The following GNAQ variants were observed in gnomAD, a reference collection of about 807,000 sequenced individuals.
The protein encoded by GNAQ is G protein subunit alpha q, also known as guanine nucleotide-binding protein G(q) subunit alpha.
GNAQ carries 8 observed loss-of-function variants against 43.9 expected under a neutral mutation model. The ratio of observed to expected loss-of-function variants is 0.18; its 90% CI spans 0.11 to 0.33. GNAQ has a LOEUF of 0.33. GNAQ is among the 10% of genes least tolerant of loss of function. The pLI, the probability that GNAQ is intolerant of heterozygous loss-of-function variation, is 1.00. For synonymous variants in GNAQ, 155 were observed against 170.7 expected, an observed-to-expected ratio of 0.91 and a Z score of 0.71; for missense variants, 158 against 450.8, an observed-to-expected ratio of 0.35 and a Z score of 5.88.
rs1156232046 is a variant in GNAQ at position 77,858,598 on chromosome 9, T to C, written c.322-42828A>G. Among the ~76,000 whole-genome samples the C allele has an allele frequency of 2.0e-5, 3 of 152,140 alleles. No individual in the cohort carries two copies. The East Asian group carries it at 5.8e-4, about 30-fold the overall frequency. ...TCTTCTCAGTCTTCACCCTCCTCTG[T>C]AGTGTCTGACGCCATCAGTCACCCC... On this transcript the variant is annotated intron_variant, in intron 2 of 6. Transcript: ENST00000286548.
chr9:77,750,251 ACT>A (rs537763169), intron 5 of GNAQ, among the ~76,000 whole-genome samples: 291 of 152,200 alleles, frequency 1.9e-3, no homozygotes, highest in South Asian at 8.5e-3. Flanking sequence ...TGGACTAAAA[ACT>A]CTGTTATAGG....
chr9:77,738,457 A>G (rs1479207742), intron 5 of GNAQ, among the ~76,000 whole-genome samples: 15 of 152,212 alleles, frequency 9.9e-5, no homozygotes, highest in Admixed American at 2.6e-4. Context: ...TGTGGTCATG[A>G]TAGAACACTT....
intron 5 of GNAQ, among the ~76,000 whole-genome samples, chr9:77,774,081 C>T (rs927341346): frequency 4.6e-5 from 7 of 152,072 alleles, no homozygotes; most frequent in Admixed American, 3.9e-4. Flanking sequence ...GGTCCACATT[C>T]CTCTGGCTTT....
intron 2 of GNAQ, among the ~76,000 whole-genome samples, chr9:77,889,832 C>T (rs1385752397): frequency 1.3e-5 from 2 of 152,166 alleles, no homozygotes; most frequent in Non-Finnish European, 2.9e-5. Context: ...TTCCCAAACT[C>T]TTAAATTATC....
At chr9:77,743,296 A>G (rs1825681931) in intron 5 of GNAQ, among the ~76,000 whole-genome samples, 1 of 151,860 alleles carries the variant, frequency 6.6e-6, no homozygotes, top group African/African-American at 2.4e-5. Flanking sequence ...CAAAAAAAAC[A>G]AACAACATCA....
intron 3 of GNAQ, among the ~76,000 whole-genome samples, chr9:77,812,023 G>A (rs1010284596): frequency 2.6e-5 from 4 of 152,126 alleles, no homozygotes; most frequent in African/African-American, 4.8e-5. Context: ...CTGGAGAGTC[G>A]CTGTTTCACC....
intron 5 of GNAQ, among the ~76,000 whole-genome samples, chr9:77,791,861 G>A (rs1357680849): frequency 6.6e-6 from 1 of 152,062 alleles, no homozygotes; most frequent in African/African-American, 2.4e-5. Flanking sequence ...TTAAAGTTAT[G>A]AACATCAGAC....
intron 1 of GNAQ, among the ~76,000 whole-genome samples, chr9:77,988,348 C>T (rs1823468149): frequency 6.6e-6 from 1 of 152,234 alleles, no homozygotes; most frequent in African/African-American, 2.4e-5. Context: ...GAACTTCCTT[C>T]AGTACTTGCT....
chr9:77,977,440 T>G (rs1015998160), intron 1 of GNAQ, among the ~76,000 whole-genome samples: 7 of 151,842 alleles, frequency 4.6e-5, no homozygotes, highest in African/African-American at 1.7e-4. Flanking sequence ...AAAACAAAAT[T>G]GAGCTCCCTC....
At chr9:78,009,553 G>A (rs1030146311) in intron 1 of GNAQ, among the ~76,000 whole-genome samples, 3 of 152,200 alleles carry the variant, frequency 2.0e-5, no homozygotes, top group African/African-American at 7.2e-5. Context: ...GGAATCAACT[G>A]GAGATACAGA....
At chr9:77,739,888 G>C (rs1825628229) in intron 5 of GNAQ, among the ~76,000 whole-genome samples, 1 of 152,196 alleles carries the variant, frequency 6.6e-6, no homozygotes, top group African/African-American at 2.4e-5. Flanking sequence ...TAAACAGAAA[G>C]CAGGCTTAGA....
At chr9:77,899,014 C>G (rs1218902322) in intron 2 of GNAQ, among the ~76,000 whole-genome samples, 2 of 152,094 alleles carry the variant, frequency 1.3e-5, no homozygotes, top group Admixed American at 6.5e-5. Context: ...AATTTACTTC[C>G]TTATTGATAG....
At chr9:77,857,542 A>G (rs1054279870) in intron 2 of GNAQ, among the ~76,000 whole-genome samples, 31 of 138,526 alleles carry the variant, frequency 2.2e-4, no homozygotes, top group Non-Finnish European at 3.5e-4. Context: ...GGGAAGAAGG[A>G]AGGGAGGGAG....
chr9:77,741,865 ATGAC>A (rs1362321001), intron 5 of GNAQ, among the ~76,000 whole-genome samples: 1 of 152,192 alleles, frequency 6.6e-6, no homozygotes, highest in Non-Finnish European at 1.5e-5. Flanking sequence ...TTCCAGGAGA[ATGAC>A]TGACAAGTTA....
chr9:77,780,569 A>C (rs1564108703), intron 5 of GNAQ, among the ~76,000 whole-genome samples: 1 of 152,110 alleles, frequency 6.6e-6, no homozygotes. Flanking sequence ...GCTGCAGTCA[A>C]CATGGGGGTG....
chr9:77,835,299 C>T (rs7040165), intron 2 of GNAQ, among the ~76,000 whole-genome samples: 4,123 of 151,298 alleles, frequency 0.027, 158 homozygotes, highest in African/African-American at 0.089. Flanking sequence ...ATCTACTGTT[C>T]GGGGTGATGG....
chr9:77,833,583 C>T (rs1038261025), intron 2 of GNAQ, among the ~76,000 whole-genome samples: 1 of 152,170 alleles, frequency 6.6e-6, no homozygotes, highest in East Asian at 1.9e-4. Context: ...CAAATGTATC[C>T]TAGGCTTAAA....
chr9:77,938,755 T>C (rs1190745206), intron 1 of GNAQ, among the ~76,000 whole-genome samples: 2 of 152,216 alleles, frequency 1.3e-5, no homozygotes, highest in East Asian at 3.8e-4. Flanking sequence ...AGGCCACTTT[T>C]AGCTGTGTTA....
intron 1 of GNAQ, among the ~76,000 whole-genome samples, chr9:77,980,899 G>A (rs544363217): frequency 6.6e-6 from 1 of 152,268 alleles, no homozygotes; most frequent in East Asian, 1.9e-4. Context: ...ACAGTTCTAT[G>A]AATTTTATTC....
Sources: allele counts gnomAD v4.1 joint callset (sites outside exome capture counted in the v4.1 genomes callset), GRCh38; gene constraint gnomAD v4.1.1; transcripts MANE v1.5; gene names NCBI Gene and HGNC (gene_info 2026-07-23, HGNC 2026-07-21).